Variants in KLKB1 observed in about 807,000 individuals in gnomAD.
KLKB1 encodes kallikrein B1.
Under a neutral mutation model 73.6 loss-of-function variants are expected in KLKB1, and 58 were observed. The observed-to-expected ratio is 0.79, with a 90% CI of 0.64 to 0.98. The LOEUF is 0.98. Among genes scored for constraint, KLKB1 ranks in the 50% least tolerant of loss-of-function variants. The pLI is 0.00. For synonymous variants in KLKB1, 280 were observed against 258.1 expected, an observed-to-expected ratio of 1.08 and a Z score of -0.81; for missense variants, 737 against 763.8, an observed-to-expected ratio of 0.96 and a Z score of 0.41.
intron 4 of KLKB1, among the ~76,000 whole-genome samples, chr4:186,234,273 T>C (rs1307819259): frequency 1.3e-5 from 2 of 152,202 alleles, no homozygotes; most frequent in Non-Finnish European, 2.9e-5. Flanking sequence ...GCCTCTATTA[T>C]TTATGAGGTT....
chr4:186,228,365 G>A lies in KLKB1; in HGVS notation c.58+112G>A, dbSNP rs560766734. 1.0e-4 allele frequency: 75 copies of A among 720,952 alleles called. 1 individual carries two copies. The highest frequency in any genetic ancestry group is 7.1e-4 in the East Asian group (27 of 38,020). 44.7% of individuals were successfully genotyped at this position (720,952 alleles called of 1,614,324 possible). ...ACATACAGCTTCGGGGGTGGAGATT[G>A]TCCCTGATGATTCAGGACACGTGTC... is the stretch of plus-strand genomic sequence containing the variant. On this transcript the variant is annotated intron_variant, in intron 2 of 14. Transcript: ENST00000264690.
intron 6 of KLKB1, among the ~76,000 whole-genome samples, chr4:186,246,291 T>G (rs1738344135): frequency 6.6e-6 from 1 of 151,550 alleles, no homozygotes; most frequent in Non-Finnish European, 1.5e-5. Flanking sequence ...TCAGCAACAC[T>G]TGGGGTTGGG....
chr4:186,226,778 G>C (rs760448617), upstream of KLKB1, among the ~76,000 whole-genome samples: 2 of 152,180 alleles, frequency 1.3e-5, no homozygotes, highest in African/African-American at 2.4e-5. Flanking sequence ...AGGCTGACCT[G>C]GTGCTGGATC....
intron 2 of KLKB1, among the ~76,000 whole-genome samples, chr4:186,218,339 C>T (rs1385652841): frequency 6.6e-6 from 1 of 152,074 alleles, no homozygotes; most frequent in Non-Finnish European, 1.5e-5. Flanking sequence ...ACTGTGCCTG[C>T]AAGCAACTCT....
rs145611982 is a variant in KLKB1, at chr4:186,217,288, T to TTTGTTG, written c.201+8031_201+8036dup. On this transcript the variant is annotated intron_variant, in intron 2 of 14. Coordinates refer to the KLKB1 transcript ENST00000511608. ...GGCAGGGTGCTTTTGTCCCAGTTGT[T>TTTGTTG]TTGTTGTTGTTGTTGTTGTTCTTGT... 7.4e-3 allele frequency among the ~76,000 whole-genome samples: 1,124 copies of TTTGTTG among 151,996 alleles called. 7 individuals carry two copies. The highest frequency in any genetic ancestry group is 0.026 in the African/African-American group (1,066 of 41,442).
In KLKB1 at chr4:186,250,480, A is replaced by C. The variant is rs754965285; in HGVS notation, c.758+78A>C. On this transcript the variant is annotated intron_variant, in intron 7 of 14. Transcript: ENST00000264690. ...TTGCTGCTGTACTTTCATCACTTTT[A>C]TAGTCTGAGTTCTTAAAAGTTTCGT... 2.0e-6 allele frequency: 3 copies of C among 1,515,234 alleles called. No homozygotes were observed. The African/African-American group carries it at 4.1e-5, about 21-fold the overall frequency. 93.9% of individuals were successfully genotyped at this position (1,515,234 alleles called of 1,614,324 possible).
At position 186,252,153 on chromosome 4, in the gene KLKB1, G is replaced by T; in HGVS notation, c.1281G>T (p.Gln427His). 6.2e-7 allele frequency: 1 copy of T among 1,613,920 alleles called. No homozygotes were observed. The highest frequency in any genetic ancestry group is 1.1e-5 in the South Asian group (1 of 91,084). ...GTGGAGGGTCACTCATAGGACACCA[G>T]TGGGTCCTCACTGCTGCCCACTGCT... ...HLCGGSLIGH[Q>H]WVLTAAHCFD... is the part of the protein sequence containing the mutation. Residue 427 changes from glutamine to histidine, a missense_variant, in exon 11 of 15, where the codon CAG becomes CAT. Coordinates refer to ENST00000264690, the MANE Select transcript of KLKB1 (RefSeq NM_000892.5).
At chr4:186,257,421 AAT>A in intron 14 of KLKB1, 56 bp downstream of exon 14, 1 of 1,478,056 alleles carries the variant, frequency 6.8e-7, no homozygotes, top group Non-Finnish European at 9.1e-7. Flanking sequence ...TTCATTTCAA[AAT>A]ATATTTTCCA....
chr4:186,221,768 T>G (rs182956395), upstream of KLKB1, among the ~76,000 whole-genome samples: 1 of 152,336 alleles, frequency 6.6e-6, no homozygotes, highest in East Asian at 1.9e-4. Flanking sequence ...ATTCTGCTGC[T>G]TTTGAAAGGA....
At chr4:186,235,327 CACTT>C (rs1259153398) in intron 4 of KLKB1, among the ~76,000 whole-genome samples, 1 of 114,196 alleles carries the variant, frequency 8.8e-6, no homozygotes, top group Admixed American at 8.8e-5. Flanking sequence ...CACTGTTACT[CACTT>C]AGCTTGCTTT....
chr4:186,212,992 A>G (rs1736778854), intron 2 of KLKB1: 1 of 152,236 alleles, frequency 6.6e-6, no homozygotes, highest in African/African-American at 2.4e-5. Context: ...TTTGGATAAT[A>G]AAAGTTGTAT....
At chr4:186,240,479 T>C (rs1737972634) in intron 6 of KLKB1, among the ~76,000 whole-genome samples, 1 of 152,208 alleles carries the variant, frequency 6.6e-6, no homozygotes, top group East Asian at 1.9e-4. Flanking sequence ...GAAATAAAAC[T>C]CTGTCGTTTC....
chr4:186,228,146 T>A (rs369679789), intron 1 of KLKB1, 49 bp from the exon 2 acceptor site: 3 of 1,036,082 alleles, frequency 2.9e-6, no homozygotes, highest in African/African-American at 1.6e-5. Context: ...AAGATTTATG[T>A]TAAATGTGGT....
chr4:186,236,032 T>C (rs929610867), intron 4 of KLKB1, among the ~76,000 whole-genome samples: 1 of 148,220 alleles, frequency 6.7e-6, no homozygotes, highest in Non-Finnish European at 1.5e-5. Flanking sequence ...GAGAATGGCG[T>C]GAACCCGGGA....
chr4:186,214,918 C>T (rs575024613), intron 2 of KLKB1, among the ~76,000 whole-genome samples: 2 of 152,296 alleles, frequency 1.3e-5, no homozygotes, highest in East Asian at 1.9e-4. Context: ...GTTTTTGGCA[C>T]GTTCTTTCTC....
intron 4 of KLKB1, among the ~76,000 whole-genome samples, chr4:186,235,876 G>A (rs985336024): frequency 6.6e-6 from 1 of 152,052 alleles, no homozygotes; most frequent in East Asian, 1.9e-4. Context: ...AGCACTTTGG[G>A]AGGCCGAGAC....
At chr4:186,240,113 ATATAGGACAGTGATACTGTTATAGT>A (rs71882827) in intron 6 of KLKB1, among the ~76,000 whole-genome samples, 15,223 of 150,208 alleles carry the variant, frequency 0.1, 926 homozygotes, top group South Asian at 0.2. Context: ...AGGTACAGTG[ATATAGGACAGTGATACTGTTATAGT>A]TATAGGACAG....
intron 5 of KLKB1, 142 bp downstream of exon 5, chr4:186,237,082 T>G: frequency 4.3e-6 from 3 of 696,844 alleles, no homozygotes; most frequent in Non-Finnish European, 7.1e-6. Context: ...TACTCTATTT[T>G]ATTTTTTTAT....
At chr4:186,235,709 T>C (rs1737629083) in intron 4 of KLKB1, among the ~76,000 whole-genome samples, 1 of 152,184 alleles carries the variant, frequency 6.6e-6, no homozygotes, top group Non-Finnish European at 1.5e-5. Context: ...TGTAGTAGAT[T>C]ATGGTTTATT....
Sources: allele counts gnomAD v4.1 joint callset (sites outside exome capture counted in the v4.1 genomes callset), GRCh38; gene constraint gnomAD v4.1.1; transcripts MANE v1.5; gene names NCBI Gene and HGNC (gene_info 2026-07-23, HGNC 2026-07-21).